The following LTA4H variants were observed in gnomAD, a reference collection of about 807,000 sequenced individuals.
The protein encoded by LTA4H is leukotriene A-4 hydrolase.
In LTA4H, 59 loss-of-function variants were observed where a neutral mutation model predicts 89.8. That is an observed-to-expected ratio of 0.66 (90% CI 0.53 to 0.82). The LOEUF (loss-of-function observed/expected upper bound fraction) is 0.82. Ranked by LOEUF, LTA4H falls within the 40% of genes least tolerant of loss-of-function variation. The pLI, the probability that LTA4H is intolerant of heterozygous loss-of-function variation, is 0.00. For missense variants in LTA4H, 617 were observed against 727.0 expected (o/e 0.85, Z 1.74); for synonymous variants, 227 against 253.1 (o/e 0.90, Z 0.98).
chr12:96,022,382 T>C lies in LTA4H; in HGVS notation c.481-131A>G. On this transcript the variant is annotated intron_variant, in intron 4 of 18. Coordinates refer to ENST00000228740, the MANE Select transcript of LTA4H (RefSeq NM_000895.3). This position sits in a 1 kb window ranked among gnomAD's most constrained non-coding sequence, Gnocchi z 4.0. Reference sequence around the variant, plus strand: ...ACAGACTATGAACACAAAAAGTATATACATATACAAAAAGTATATATATAC... The same window carrying C: ...ACAGACTATGAACACAAAAAGTATACACATATACAAAAAGTATATATATAC... The C allele has an allele frequency of 1.6e-6, 1 of 609,894 alleles. No individual in the cohort carries two copies. The highest frequency in any genetic ancestry group is 2.0e-5 in the South Asian group (1 of 49,144). 37.8% of individuals were successfully genotyped at this position (609,894 alleles called of 1,614,324 possible). A position where few individuals can be genotyped will look rare whatever the true frequency, so the allele number is the denominator to read the frequency against.
In LTA4H at chr12:96,025,153, A is replaced by C. The variant is rs559236685; in HGVS notation, c.412-606T>G. 5.9e-5 allele frequency among the ~76,000 whole-genome samples: 9 copies of C among 152,186 alleles called. No homozygotes were observed. The South Asian group carries it at 1.0e-3, about 18-fold the overall frequency. ...GAAGCTTTTAGAAACCTGAGAAAAA[A>C]GGGCTCTGTAGCAAAACAGACCTGA... On this transcript the variant is annotated intron_variant, in intron 3 of 18. Coordinates refer to ENST00000228740, the MANE Select transcript of LTA4H (RefSeq NM_000895.3).
At position 96,022,843 on chromosome 12, in the gene LTA4H, A is replaced by G. The variant is rs748892676; in HGVS notation, c.481-592T>C. 7.9e-5 allele frequency among the ~76,000 whole-genome samples: 12 copies of G among 152,234 alleles called. No individual in the cohort carries two copies. Among genetic ancestry groups the G allele is most frequent in the Non-Finnish European group, 4.4e-5 (3 of 68,044 alleles). ...GCTACACTCACAAAACAGATTCAAAAGGACGTTATATACTCACTGTAGGAC... is the reference window on the plus strand; with the variant it reads ...GCTACACTCACAAAACAGATTCAAAGGGACGTTATATACTCACTGTAGGAC... On this transcript the variant is annotated intron_variant, in intron 4 of 18. Transcript: ENST00000228740. This position sits in a 1 kb window ranked among gnomAD's most constrained non-coding sequence, Gnocchi z 4.0.
chr12:96,035,073 G>A (rs1419641124), intron 1 of LTA4H, among the ~76,000 whole-genome samples: 2 of 152,222 alleles, frequency 1.3e-5, no homozygotes, highest in African/African-American at 2.4e-5. Context: ...TGTGCCCAGG[G>A]ACCTCGGAGA....
chr12:96,002,236 C>T (rs1950116816), intron 18 of LTA4H, among the ~76,000 whole-genome samples: 1 of 152,110 alleles, frequency 6.6e-6, no homozygotes, highest in African/African-American at 2.4e-5. Flanking sequence ...TTAGGGAAAG[C>T]ATATAAAATA....
chr12:96,016,854 C>A (rs1287970328), intron 10 of LTA4H, among the ~76,000 whole-genome samples, 190 bp downstream of exon 10: 1 of 150,620 alleles, frequency 6.6e-6, no homozygotes, highest in Non-Finnish European at 1.5e-5. Flanking sequence ...TGAGCTAGAT[C>A]GCACCACTGC....
At position 96,021,141 on chromosome 12, in the gene LTA4H, A is replaced by G; in HGVS notation, c.586-4T>C. 4 of 1,590,486 alleles carry G rather than the reference A, an allele frequency of 2.5e-6. No homozygotes were observed. Among genetic ancestry groups the G allele is most frequent in the Non-Finnish European group, 3.4e-6 (4 of 1,172,958 alleles). Reference sequence around the variant, plus strand: ...TCAGGTAGCAGGGTATTGGAACCTAAAGAGGGCAAACAAACGCACACCACG... The same window carrying G: ...TCAGGTAGCAGGGTATTGGAACCTAGAGAGGGCAAACAAACGCACACCACG... On this transcript the variant is annotated splice_region_variant and splice_polypyrimidine_tract_variant and intron_variant, in intron 5 of 18. Transcript: ENST00000228740.
rs1308573337 is a variant in LTA4H, at chr12:96,022,394, A to G, written c.481-143T>C. 1.7e-6 allele frequency: 1 copy of G among 592,178 alleles called. No individual in the cohort carries two copies. Among genetic ancestry groups the G allele is most frequent in the African/African-American group, 1.9e-5 (1 of 53,614 alleles). 36.7% of individuals were successfully genotyped at this position (592,178 alleles called of 1,614,324 possible). A position where few individuals can be genotyped will look rare whatever the true frequency, so the allele number is the denominator to read the frequency against. ...CACAAAAAGTATATACATATACAAA[A>G]AGTATATATATACACACACATATAT... On this transcript the variant is annotated intron_variant, in intron 4 of 18. Coordinates refer to ENST00000228740, the MANE Select transcript of LTA4H (RefSeq NM_000895.3). This position sits in a 1 kb window ranked among gnomAD's most constrained non-coding sequence, Gnocchi z 4.0.
At chr12:96,033,505 G>A (rs149655011) in intron 1 of LTA4H, among the ~76,000 whole-genome samples, 2 of 152,282 alleles carry the variant, frequency 1.3e-5, no homozygotes, top group East Asian at 3.9e-4. Flanking sequence ...TAGTACTTTT[G>A]AATGTAGGAC....
chr12:96,003,249 G>T (rs1343592342), intron 17 of LTA4H, among the ~76,000 whole-genome samples, 185 bp from the exon 18 acceptor site: 3 of 152,148 alleles, frequency 2.0e-5, no homozygotes, highest in African/African-American at 7.2e-5. Flanking sequence ...TTAATAATTG[G>T]TGAAGAGAAA....
At chr12:96,039,013 C>T (rs1283153621), upstream of LTA4H, among the ~76,000 whole-genome samples, 2 of 151,852 alleles carry the variant, frequency 1.3e-5, no homozygotes, top group Admixed American at 6.6e-5. Context: ...TTGCAATTTA[C>T]AAGCAATTGG....
rs777544689 is a variant in LTA4H, at chr12:96,035,411, C to G, written c.109G>C (p.Gly37Arg). ...SVDFTRRTLTGTAALTVQSQE... is the reference protein window; with the variant it reads ...SVDFTRRTLTRTAALTVQSQE... Reference sequence around the variant, plus strand: ...GACTGGACCGTGAGAGCAGCAGTCCCGGTCAGCGTCCGGCGAGTAAAGTCG... The same window carrying G: ...GACTGGACCGTGAGAGCAGCAGTCCGGGTCAGCGTCCGGCGAGTAAAGTCG... Residue 37 changes from glycine to arginine, a missense_variant, in exon 1 of 19, where the codon GGG (glycine) becomes CGG (arginine). This residue lies in a region of LTA4H where 155 missense variants were observed against 143.3 expected (regional missense o/e 1.08). Coordinates refer to ENST00000228740, the MANE Select transcript of LTA4H (RefSeq NM_000895.3). 16 of 1,611,138 alleles carry G rather than the reference C, an allele frequency of 9.9e-6. No individual in the cohort carries two copies. The highest frequency in any genetic ancestry group is 1.3e-5 in the Non-Finnish European group (15 of 1,178,820).
chr12:96,003,881 C>T lies in LTA4H; in HGVS notation c.1570G>A (p.Val524Met), dbSNP rs1566000554. Residue 524 changes from valine to methionine, a missense_variant, in exon 17 of 19, where the codon GTG becomes ATG. Val to Met is a conservative substitution (Grantham distance 21). Coordinates refer to ENST00000228740, the MANE Select transcript of LTA4H (RefSeq NM_000895.3). ...PLGHIKRMQE[V>M]YNFNAINNSE... is the part of the protein sequence containing the mutation. The stretch of plus-strand genomic sequence containing the variant: ...TTGTTAATGGCATTGAAGTTGTACA[C>T]CTCTTGCATTCGCTTTATGTGCCCC... 6.2e-7 allele frequency: 1 copy of T among 1,610,480 alleles called. No individual in the cohort carries two copies. The highest frequency in any genetic ancestry group is 2.2e-5 in the East Asian group (1 of 44,588).
At chr12:96,038,609 G>A (rs1307457367), upstream of LTA4H, among the ~76,000 whole-genome samples, 1 of 151,634 alleles carries the variant, frequency 6.6e-6, no homozygotes, top group Non-Finnish European at 1.5e-5. Context: ...AAACTTCTGA[G>A]CTCAAGGGAT....
rs184234760 is a variant in LTA4H at position 96,041,787 on chromosome 12, G to A, written c.87+1502C>T. Among the ~76,000 whole-genome samples, 153 of 151,198 alleles carry A rather than the reference G, an allele frequency of 1.0e-3. 2 individuals are homozygous for A. The East Asian group carries it at 0.026, about 25-fold the overall frequency. On this transcript the variant is annotated intron_variant, in intron 1 of 17. Coordinates refer to the LTA4H transcript ENST00000413268. The stretch of plus-strand genomic sequence containing the variant: ...CTCCTGAGTAGCTGGGACTACAGGC[G>A]CCCGCCACCACGCCCAGCTAATTTT...
intron 1 of LTA4H, among the ~76,000 whole-genome samples, chr12:96,031,781 C>T (rs752073393): frequency 7.9e-5 from 12 of 152,168 alleles, no homozygotes; most frequent in Non-Finnish European, 1.8e-4. Flanking sequence ...TCTCTTCCTG[C>T]AAATTATTTA....
chr12:96,012,597 G>T (rs1214966826), intron 14 of LTA4H: 4 of 152,528 alleles, frequency 2.6e-5, no homozygotes, highest in African/African-American at 9.7e-5. Context: ...TGTGGTCCCA[G>T]CTACTTGTAA....
intron 16 of LTA4H, among the ~76,000 whole-genome samples, chr12:96,004,719 G>A (rs1950170001): frequency 6.6e-6 from 1 of 152,140 alleles, no homozygotes; most frequent in South Asian, 2.1e-4. Flanking sequence ...CTGCTTTCAT[G>A]AACTACTAAT....
chr12:96,029,622 G>C (rs1043201844), intron 1 of LTA4H, among the ~76,000 whole-genome samples: 11 of 152,152 alleles, frequency 7.2e-5, no homozygotes, highest in African/African-American at 2.7e-4. Flanking sequence ...TCAGCAAACT[G>C]TATATCACTG....
At chr12:96,006,456 A>G in intron 15 of LTA4H, 47 bp from the exon 16 acceptor site, 1 of 1,092,312 alleles carries the variant, frequency 9.2e-7, no homozygotes, top group Non-Finnish European at 1.4e-6. Flanking sequence ...ACAATTTAAT[A>G]ATACTTATTG....
Sources: gnomAD v4.1 joint callset for allele counts (sites outside exome capture counted in the v4.1 genomes callset) on GRCh38, gnomAD v4.1.1 for gene constraint, gnomAD v4.1.1 regional missense constraint, Gnocchi (gnomAD v3.1) non-coding constraint, MANE v1.5 for transcripts, NCBI Gene and HGNC (gene_info 2026-07-23, HGNC 2026-07-21) for gene names.